The following SPRED2 variants were observed in gnomAD, a reference collection of about 807,000 sequenced individuals.
The protein encoded by SPRED2 is sprouty related EVH1 domain containing 2.
A neutral mutation model predicts 43.0 loss-of-function variants in SPRED2; 47 were observed. The ratio of observed to expected loss-of-function variants is 1.09; its 90% confidence interval spans 0.87 to 1.40. The LOEUF (loss-of-function observed/expected upper bound fraction) is 1.40. Among genes scored for constraint, SPRED2 ranks in the 40% most tolerant of loss-of-function variants. The pLI is 0.00. For synonymous variants in SPRED2, 225 were observed against 225.7 expected (o/e 1.00, Z 0.03); for missense variants, 561 against 586.4 (o/e 0.96, Z 0.45).
At chr2:65,421,669 A>T (rs922272782) in intron 1 of SPRED2, among the ~76,000 whole-genome samples, 1 of 152,230 alleles carries the variant, frequency 6.6e-6, no homozygotes, top group African/African-American at 2.4e-5. Context: ...TGCTGTTTAT[A>T]TCTCAGTACA....
At chr2:65,323,034 G>C (rs1289547324) in intron 4 of SPRED2, among the ~76,000 whole-genome samples, 1 of 152,066 alleles carries the variant, frequency 6.6e-6, no homozygotes, top group African/African-American at 2.4e-5. Context: ...TCGCTCTGTC[G>C]CCCAGGCTGG....
At chr2:65,327,426 G>A (rs1019622415) in intron 4 of SPRED2, among the ~76,000 whole-genome samples, 1 of 152,134 alleles carries the variant, frequency 6.6e-6, no homozygotes, top group Non-Finnish European at 1.5e-5. Context: ...GAAACTGAGA[G>A]CATTCCAAAG....
intron 1 of SPRED2, chr2:65,366,837 A>G: frequency 8.4e-7 from 1 of 1,195,742 alleles, no homozygotes; most frequent in Non-Finnish European, 1.0e-6. Context: ...CTCACATTCA[A>G]CATCCTGCTT....
Position 65,310,961 on chromosome 2 carries a change from A to G in SPRED2, c.*2540T>C, listed in dbSNP as rs1330463871. 3.1e-6 allele frequency: 3 copies of G among 982,310 alleles called. No individual in the cohort carries two copies. The highest frequency in any genetic ancestry group is 1.1e-4 in the East Asian group (1 of 8,816). 60.8% of individuals were successfully genotyped at this position (982,310 alleles called of 1,614,324 possible). ...TTAAGAACTAAAATGTACATCATAC[A>G]CTTGTATATATATTTTTTACACAGA... On this transcript the variant is annotated 3_prime_UTR_variant, in exon 6 of 6. Transcript: ENST00000356388.
At chr2:65,415,283 C>A (rs1676247766) in intron 1 of SPRED2, among the ~76,000 whole-genome samples, 1 of 152,186 alleles carries the variant, frequency 6.6e-6, no homozygotes, top group Non-Finnish European at 1.5e-5. Flanking sequence ...GCATGCAGTG[C>A]CACACTTGTG....
At chr2:65,409,741 A>G (rs2103756759) in intron 1 of SPRED2, among the ~76,000 whole-genome samples, 1 of 150,898 alleles carries the variant, frequency 6.6e-6, no homozygotes, top group South Asian at 2.1e-4. Flanking sequence ...GAAGACTTTC[A>G]AGAGAAATTT....
At position 65,314,146 on chromosome 2, in the gene SPRED2, CTGGCGGTAGGGCCT is replaced by C; in HGVS notation, c.598_611del (p.Arg200GlyfsTer59). ...CCTCGTCGTCGTCCGGGAAGCTCAC[CTGGCGGTAGGGCCT>C]TGGCATCGGCTGTCCCGTAGGAGAG... On this transcript the variant is annotated frameshift_variant, in exon 6 of 6. Transcript: ENST00000356388. LOFTEE classifies it high-confidence loss of function. 6.3e-7 allele frequency: 1 copy of C among 1,599,534 alleles called. No homozygotes were observed. Among genetic ancestry groups the C allele is most frequent in the Non-Finnish European group, 8.6e-7 (1 of 1,168,266 alleles).
At chr2:65,423,875 C>T (rs751748500) in intron 1 of SPRED2, among the ~76,000 whole-genome samples, 7 of 151,868 alleles carry the variant, frequency 4.6e-5, no homozygotes, top group Admixed American at 6.6e-5. Context: ...GCATAACCTC[C>T]GCCTCCCAGG....
intron 1 of SPRED2, among the ~76,000 whole-genome samples, chr2:65,413,295 T>C (rs532786093): frequency 6.6e-6 from 1 of 152,250 alleles, no homozygotes; most frequent in East Asian, 1.9e-4. Flanking sequence ...CCTGGAGCCT[T>C]TACCCTGACG....
chr2:65,328,339 T>C (rs900804600), intron 4 of SPRED2, among the ~76,000 whole-genome samples: 4 of 152,208 alleles, frequency 2.6e-5, no homozygotes, highest in African/African-American at 4.8e-5. Flanking sequence ...ATACTGACCA[T>C]GTAAAATGTA....
chr2:65,375,627 T>C (rs988235853), intron 1 of SPRED2, among the ~76,000 whole-genome samples: 2 of 152,308 alleles, frequency 1.3e-5, no homozygotes, highest in African/African-American at 4.8e-5. Flanking sequence ...ATTTTGTAGG[T>C]AGAAACCTAA....
intron 1 of SPRED2, among the ~76,000 whole-genome samples, chr2:65,386,048 G>A (rs1027355469): frequency 1.3e-5 from 2 of 152,196 alleles, no homozygotes; most frequent in East Asian, 3.9e-4. Context: ...ACTTTGGGAA[G>A]CGGGGGCGGG....
At chr2:65,405,252 G>A (rs772078547) in intron 1 of SPRED2, among the ~76,000 whole-genome samples, 11 of 152,188 alleles carry the variant, frequency 7.2e-5, no homozygotes, top group Non-Finnish European at 1.5e-4. Flanking sequence ...CCACCTTGGT[G>A]GAGAAGAGCA....
At chr2:65,314,483 C>T (rs2104108274) in intron 5 of SPRED2, among the ~76,000 whole-genome samples, 1 of 152,304 alleles carries the variant, frequency 6.6e-6, no homozygotes, top group Non-Finnish European at 1.5e-5. Flanking sequence ...ATGGCAAGGG[C>T]ACAGTGTGAT....
chr2:65,368,733 A>C (rs1172736694), intron 1 of SPRED2, among the ~76,000 whole-genome samples: 2 of 152,242 alleles, frequency 1.3e-5, no homozygotes, highest in African/African-American at 4.8e-5. Flanking sequence ...AAATAAACTT[A>C]AACATTCACA....
At chr2:65,380,875 CAT>C (rs1220740690) in intron 1 of SPRED2, among the ~76,000 whole-genome samples, 2 of 152,226 alleles carry the variant, frequency 1.3e-5, no homozygotes, top group Admixed American at 6.5e-5. Flanking sequence ...TCTTCTATTA[CAT>C]GTTATATAGA....
intron 1 of SPRED2, among the ~76,000 whole-genome samples, chr2:65,381,056 G>A (rs1675362222): frequency 2.0e-5 from 3 of 152,200 alleles, no homozygotes; most frequent in Admixed American, 2.0e-4. Flanking sequence ...CAGAGAAGGA[G>A]TAGCCCAACC....
chr2:65,316,526 AG>A (rs1425170322), intron 5 of SPRED2, among the ~76,000 whole-genome samples: 1 of 152,216 alleles, frequency 6.6e-6, no homozygotes, highest in Non-Finnish European at 1.5e-5. Context: ...AAGCATATAA[AG>A]GGTCTGGCAA....
In SPRED2 at chr2:65,312,648, A is replaced by C. The variant is rs1156692676; in HGVS notation, c.*853T>G. On this transcript the variant is annotated 3_prime_UTR_variant, in exon 6 of 6. Transcript: ENST00000356388. ...GAAGTGGTGGCAACACAATTTAAAA[A>C]ATGTTCTACTTTAGGGGTAATGGGG... is the stretch of plus-strand genomic sequence containing the variant. The C allele has an allele frequency of 2.0e-6, 2 of 985,780 alleles. No individual in the cohort carries two copies. The highest frequency in any genetic ancestry group is 2.4e-6 in the Non-Finnish European group (2 of 829,946). 61.1% of individuals were successfully genotyped at this position (985,780 alleles called of 1,614,324 possible). A position where few individuals can be genotyped will look rare whatever the true frequency, so the allele number is the denominator to read the frequency against.
Sources: allele counts gnomAD v4.1 joint callset (sites outside exome capture counted in the v4.1 genomes callset), GRCh38; gene constraint gnomAD v4.1.1; transcripts MANE v1.5; gene names NCBI Gene and HGNC (gene_info 2026-07-23, HGNC 2026-07-21).